The following DNAH8 variants were observed in gnomAD, a reference collection of about 807,000 sequenced individuals.
DNAH8 encodes dynein axonemal heavy chain 8.
In DNAH8, 382 loss-of-function variants were observed where a neutral mutation model predicts 562.1. That is an observed-to-expected ratio of 0.68 (90% CI 0.63 to 0.74). The LOEUF (loss-of-function observed/expected upper bound fraction) is 0.74. DNAH8 is among the 30% of genes least tolerant of loss of function. DNAH8 has a pLI of 0.00. For synonymous variants in DNAH8, 1,881 were observed against 1,919.4 expected (o/e 0.98, Z 0.52); for missense variants, 5,203 against 5,620.4 (o/e 0.93, Z 2.37).
At chr6:38,991,320 A>G (rs1318345904) in intron 88 of DNAH8, among the ~76,000 whole-genome samples, 1 of 152,192 alleles carries the variant, frequency 6.6e-6, no homozygotes, top group Non-Finnish European at 1.5e-5. Context: ...CACCCCCATG[A>G]TGGAACCACG....
At chr6:38,981,014 C>T (rs2150710603) in intron 85 of DNAH8, among the ~76,000 whole-genome samples, 1 of 139,820 alleles carries the variant, frequency 7.2e-6, no homozygotes, top group East Asian at 2.1e-4. Context: ...ATTGGAATGG[C>T]TTGTGAAAAC....
At chr6:38,825,389 G>C (rs1412701496) in intron 28 of DNAH8, among the ~76,000 whole-genome samples, 1 of 152,132 alleles carries the variant, frequency 6.6e-6, no homozygotes, top group African/African-American at 2.4e-5. Flanking sequence ...TGACTAGTTA[G>C]AGCTGTTTTG....
chr6:38,990,318 A>C (rs896796889), intron 88 of DNAH8, 146 bp downstream of exon 88: 3 of 628,258 alleles, frequency 4.8e-6, no homozygotes, highest in Non-Finnish European at 8.3e-6. Context: ...CTGTCTCCCA[A>C]TTACAACTTT....
chr6:38,972,559 TTAAA>T (rs1402101692), intron 83 of DNAH8, among the ~76,000 whole-genome samples: 1 of 148,600 alleles, frequency 6.7e-6, no homozygotes, highest in Non-Finnish European at 1.5e-5. Context: ...ACTTTGGGCC[TTAAA>T]TAATTTCTTT....
chr6:38,980,282 C>T (rs1448944151), intron 85 of DNAH8, among the ~76,000 whole-genome samples: 1 of 152,160 alleles, frequency 6.6e-6, no homozygotes, highest in African/African-American at 2.4e-5. Flanking sequence ...AATCTGGTTA[C>T]AGGACCACAT....
intron 79 of DNAH8, among the ~76,000 whole-genome samples, chr6:38,942,513 A>T (rs1314312237): frequency 6.6e-6 from 1 of 152,204 alleles, no homozygotes; most frequent in Non-Finnish European, 1.5e-5. Context: ...ATGCCCCTGC[A>T]TTCTGCCCAG....
intron 10 of DNAH8, among the ~76,000 whole-genome samples, chr6:38,757,932 T>C (rs2127603107): frequency 6.6e-6 from 1 of 152,312 alleles, no homozygotes; most frequent in Admixed American, 6.5e-5. Flanking sequence ...AGCCTTGTAG[T>C]ATAGTTTGAA....
chr6:38,916,663 C>A (rs912695441), intron 68 of DNAH8, among the ~76,000 whole-genome samples: 2 of 152,176 alleles, frequency 1.3e-5, no homozygotes, highest in Admixed American at 6.5e-5. Context: ...GATCACCGAA[C>A]CGAAGGAGTC....
At chr6:38,998,340 T>G (rs938550510) in intron 88 of DNAH8, among the ~76,000 whole-genome samples, 5 of 152,202 alleles carry the variant, frequency 3.3e-5, no homozygotes, top group African/African-American at 7.2e-5. Context: ...TTTATTCACA[T>G]TTTATTATGT....
At chr6:38,800,789 TG>T (rs1770716656) in intron 21 of DNAH8, among the ~76,000 whole-genome samples, 1 of 152,230 alleles carries the variant, frequency 6.6e-6, no homozygotes, top group Non-Finnish European at 1.5e-5. Context: ...CCCAAAGTGC[TG>T]GGATTACAGA....
rs574744087 is a variant in DNAH8 at position 38,845,148 on chromosome 6, G to A, written c.4846-426G>A. Among the ~76,000 whole-genome samples the A allele has an allele frequency of 2.6e-5, 4 of 152,098 alleles. No individual in the cohort carries two copies. In the South Asian group the frequency reaches 8.3e-4, roughly 32 times the overall value. On this transcript the variant is annotated intron_variant, in intron 35 of 92. Coordinates refer to ENST00000327475, the MANE Select transcript of DNAH8 (RefSeq NM_001206927.2). ...TAAGCAAATGAGATATTCATATTAG[G>A]ACCAGAACAGGCAGAAATATAGTAA...
intron 87 of DNAH8, among the ~76,000 whole-genome samples, chr6:38,986,539 T>A (rs1171690220): frequency 6.6e-6 from 1 of 151,908 alleles, no homozygotes; most frequent in African/African-American, 2.4e-5. Context: ...CTCGGGAGTG[T>A]GAGAAACTGA....
rs1762480155 is a variant in DNAH8, at chr6:38,718,071, T to C, written c.-35+2656T>C. On this transcript the variant is annotated intron_variant, in intron 1 of 92. Transcript: ENST00000327475. The stretch of plus-strand genomic sequence containing the variant: ...TGCATATATAGCTCTACCTCATTCT[T>C]TGTATCGCTAATGATGCATTAAAAT... 2.0e-5 allele frequency among the ~76,000 whole-genome samples: 3 copies of C among 152,212 alleles called. No homozygotes were observed. In the South Asian group the frequency reaches 6.2e-4, roughly 32 times the overall value.
chr6:38,865,602 T>G (rs2150416447), intron 45 of DNAH8, among the ~76,000 whole-genome samples: 1 of 152,356 alleles, frequency 6.6e-6, no homozygotes, highest in South Asian at 2.1e-4. Flanking sequence ...TCTATTGTGT[T>G]GCAGCCAATT....
At chr6:38,717,260 C>T (rs1488143194) in intron 1 of DNAH8, among the ~76,000 whole-genome samples, 4 of 152,174 alleles carry the variant, frequency 2.6e-5, no homozygotes, top group Non-Finnish European at 5.9e-5. Context: ...GCCACATTCA[C>T]TCTGTGTGCT....
At chr6:38,979,644 A>G (rs1053577309) in intron 85 of DNAH8, among the ~76,000 whole-genome samples, 1 of 152,236 alleles carries the variant, frequency 6.6e-6, no homozygotes, top group Non-Finnish European at 1.5e-5. Context: ...AATGCTTTAG[A>G]TGAAAATTGG....
At position 38,852,558 on chromosome 6, in the gene DNAH8, G is replaced by C. The variant is rs114713144; in HGVS notation, c.5467-136G>C. ...TCCAAGCCAGTTAAGGGTCAAAGCA[G>C]AGTCTCTCTCTATTTTTTGAGACAA... is the stretch of plus-strand genomic sequence containing the variant. On this transcript the variant is annotated intron_variant, in intron 39 of 92. Transcript: ENST00000327475. 1.2e-3 allele frequency: 725 copies of C among 610,270 alleles called. 6 individuals are homozygous for C. The African/African-American group carries it at 0.013, about 11-fold the overall frequency. The allele number at this position is 610,270 out of a possible 1,614,324, so 37.8% of individuals were successfully genotyped here.
chr6:38,750,784 A>G (rs1426472650), intron 9 of DNAH8, among the ~76,000 whole-genome samples, 195 bp downstream of exon 9: 1 of 152,144 alleles, frequency 6.6e-6, no homozygotes, highest in African/African-American at 2.4e-5. Context: ...AAAAAATAGT[A>G]CAATTTAAGA....
At chr6:38,864,994 G>A (rs2150415493) in intron 45 of DNAH8, among the ~76,000 whole-genome samples, 1 of 152,256 alleles carries the variant, frequency 6.6e-6, no homozygotes, top group African/African-American at 2.4e-5. Flanking sequence ...ATTTAACAAG[G>A]TCCTATACGA....
Sources: allele counts gnomAD v4.1 joint callset (sites outside exome capture counted in the v4.1 genomes callset), GRCh38; gene constraint gnomAD v4.1.1; transcripts MANE v1.5; gene names NCBI Gene and HGNC (gene_info 2026-07-23, HGNC 2026-07-21).